LAMA2: variants seen among roughly 807,000 people sequenced by gnomAD.
The protein encoded by LAMA2 is laminin subunit alpha-2.
LAMA2 carries 269 observed loss-of-function variants against 364.8 expected under a neutral mutation model. The ratio of observed to expected loss-of-function variants is 0.74; its 90% CI spans 0.67 to 0.82. The LOEUF is 0.82. LAMA2 is among the 40% of genes least tolerant of loss of function. The pLI is 0.00. For missense variants in LAMA2, 3,807 were observed against 3,873.2 expected (o/e 0.98, Z 0.45); for synonymous variants, 1,379 against 1,370.6 (o/e 1.01, Z -0.14).
chr6:129,467,264 A>C (rs1043052616), intron 51 of LAMA2, among the ~76,000 whole-genome samples: 1 of 151,934 alleles, frequency 6.6e-6, no homozygotes, highest in African/African-American at 2.4e-5. Flanking sequence ...CAGAAAATCC[A>C]ATACCATATG....
At chr6:129,081,967 A>G (rs1233843019) in intron 3 of LAMA2, among the ~76,000 whole-genome samples, 1 of 152,172 alleles carries the variant, frequency 6.6e-6, no homozygotes, top group Non-Finnish European at 1.5e-5. Flanking sequence ...TGTTTAATTA[A>G]TATGTCAAAT....
chr6:129,315,859 G>T lies in LAMA2; in HGVS notation c.3833G>T (p.Gly1278Val), dbSNP rs2114502298. ...STYNPQVIIR[G>V]GTPTHARIIV... ...TATAATCCTCAAGTGATCATTCGAGGTGGGACACCTACTCATGCTAGAATT... is the reference window on the plus strand; with the variant it reads ...TATAATCCTCAAGTGATCATTCGAGTTGGGACACCTACTCATGCTAGAATT... The change falls in exon 26 of 65, where the codon GGT becomes GTT. Residue 1278 changes from glycine to valine, a missense_variant. By Grantham distance (109) the Gly-to-Val change is moderately radical (BLOSUM62 -3). Coordinates refer to ENST00000421865, the MANE Select transcript of LAMA2 (RefSeq NM_000426.4). The T allele has an allele frequency of 4.3e-6, 7 of 1,614,068 alleles. No homozygotes were observed. The highest frequency in any genetic ancestry group is 5.9e-6 in the Non-Finnish European group (7 of 1,179,982).
chr6:129,497,556 T>C (rs1785286270), intron 58 of LAMA2, among the ~76,000 whole-genome samples: 1 of 152,162 alleles, frequency 6.6e-6, no homozygotes, highest in African/African-American at 2.4e-5. Flanking sequence ...TTTTTAAGAG[T>C]TGTTATTTAA....
At chr6:129,088,448 C>T (rs994505422) in intron 3 of LAMA2, among the ~76,000 whole-genome samples, 5 of 151,900 alleles carry the variant, frequency 3.3e-5, no homozygotes, top group Non-Finnish European at 5.9e-5. Context: ...CAGAGGGGCT[C>T]CTCACTTCCC....
chr6:129,256,581 C>T lies in LAMA2; in HGVS notation c.2097-4130C>T, dbSNP rs186709536. Among the ~76,000 whole-genome samples the T allele has an allele frequency of 2.4e-4, 37 of 151,596 alleles. No individual in the cohort carries two copies. In the East Asian group the frequency reaches 5.2e-3, roughly 21 times the overall value. ...ATATAAATAGTGCAGAAGAAGTGTG[C>T]GCAGTGCATACTGGTAGAACTAAGA... On this transcript the variant is annotated intron_variant, in intron 14 of 64. Coordinates refer to ENST00000421865, the MANE Select transcript of LAMA2 (RefSeq NM_000426.4).
In LAMA2 at chr6:129,506,271, T is replaced by C. The variant is rs76127921; in HGVS notation, c.8703+916T>C. Among the ~76,000 whole-genome samples, 441 of 152,184 alleles carry C rather than the reference T, an allele frequency of 2.9e-3. 17 individuals carry two copies. The East Asian group carries it at 0.074, about 25-fold the overall frequency. On this transcript the variant is annotated intron_variant, in intron 61 of 64. Coordinates refer to ENST00000421865, the MANE Select transcript of LAMA2 (RefSeq NM_000426.4). ...TGGAGGCTGAGGCAAGAGAATCACT[T>C]GAACCCGAGGGTCAGAGGTTGCAGT...
At chr6:129,276,394 A>T (rs1023722349) in intron 17 of LAMA2, among the ~76,000 whole-genome samples, 5 of 152,282 alleles carry the variant, frequency 3.3e-5, no homozygotes, top group African/African-American at 1.2e-4. Flanking sequence ...AATCCCAAGA[A>T]GCAATTCATT....
At chr6:129,105,745 G>A (rs1743857310) in intron 4 of LAMA2, among the ~76,000 whole-genome samples, 1 of 152,262 alleles carries the variant, frequency 6.6e-6, no homozygotes. Context: ...CTAAAACTAG[G>A]TTATTGATGG....
chr6:129,341,736 T>A (rs987213376), intron 29 of LAMA2, among the ~76,000 whole-genome samples: 2 of 152,224 alleles, frequency 1.3e-5, no homozygotes, highest in African/African-American at 4.8e-5. Flanking sequence ...CTGAAGCTAT[T>A]CTCATTTCTT....
chr6:129,292,775 T>C, intron 20 of LAMA2: 1 of 982,796 alleles, frequency 1.0e-6, no homozygotes. Flanking sequence ...GTTTTGTTTT[T>C]ATTTTATTTT....
At chr6:129,013,362 G>A (rs548711025) in intron 1 of LAMA2, among the ~76,000 whole-genome samples, 1 of 152,224 alleles carries the variant, frequency 6.6e-6, no homozygotes, top group Non-Finnish European at 1.5e-5. Context: ...GCGGGAACCC[G>A]GGAGGCGGAG....
intron 48 of LAMA2, among the ~76,000 whole-genome samples, chr6:129,459,459 A>G (rs1783134554): frequency 1.3e-5 from 2 of 152,050 alleles, no homozygotes; most frequent in South Asian, 4.1e-4. Context: ...CCAGGATTGA[A>G]TTTGATCAGA....
At chr6:129,177,043 T>C (rs1352285482) in intron 9 of LAMA2, among the ~76,000 whole-genome samples, 1 of 152,200 alleles carries the variant, frequency 6.6e-6, no homozygotes, top group Admixed American at 6.5e-5. Flanking sequence ...GAAGGTCTGT[T>C]AGTTGTATTC....
At position 129,445,731 on chromosome 6, in the gene LAMA2, C is replaced by T. The variant is rs752356162; in HGVS notation, c.6339C>T (p.Leu2113=). Residue 2113 remains leucine, a synonymous_variant, in exon 45 of 65, where the codon CTC becomes CTT. Coordinates refer to ENST00000421865, the MANE Select transcript of LAMA2 (RefSeq NM_000426.4). ...EQEADRLIDK[L]KPIKELEDNL... ...AAGCTGACCGGCTAATAGATAAACT[C>T]AAACCCATCAAGGAACTTGAGGATA... 2.5e-5 allele frequency: 41 copies of T among 1,613,600 alleles called. No individual in the cohort carries two copies. The highest frequency in any genetic ancestry group is 2.7e-5 in the Non-Finnish European group (32 of 1,179,724).
chr6:129,431,455 A>G lies in LAMA2; in HGVS notation c.5968+3601A>G, dbSNP rs1270105403. Among the ~76,000 whole-genome samples the G allele has an allele frequency of 2.0e-5, 3 of 151,936 alleles. No homozygotes were observed. In the East Asian group the frequency reaches 5.8e-4, roughly 29 times the overall value. On this transcript the variant is annotated intron_variant, in intron 41 of 64. Coordinates refer to ENST00000421865, the MANE Select transcript of LAMA2 (RefSeq NM_000426.4). ...TATAAAATAGATAACACAGGAAATA[A>G]AAAGACCTATTCCCTGGAGATCTAT...
At chr6:129,106,277 G>A (rs9492234) in intron 4 of LAMA2, among the ~76,000 whole-genome samples, 37,506 of 151,674 alleles carry the variant, frequency 0.25, 5,150 homozygotes, top group African/African-American at 0.38. Context: ...CATTATGGTG[G>A]TCCTTAGAAT....
chr6:129,036,666 A>C (rs1786661133), intron 1 of LAMA2, among the ~76,000 whole-genome samples: 1 of 152,122 alleles, frequency 6.6e-6, no homozygotes, highest in African/African-American at 2.4e-5. Context: ...AAGAGCCCAC[A>C]GCAGCTCAGA....
chr6:129,088,888 C>T (rs952224505), intron 3 of LAMA2, among the ~76,000 whole-genome samples: 4 of 151,810 alleles, frequency 2.6e-5, no homozygotes, highest in African/African-American at 4.8e-5. Flanking sequence ...CAGGCAGAGA[C>T]GCTCCTCACT....
chr6:129,273,473 A>G (rs780888127), intron 17 of LAMA2, among the ~76,000 whole-genome samples: 1 of 152,186 alleles, frequency 6.6e-6, no homozygotes, highest in Non-Finnish European at 1.5e-5. Context: ...TATTAGAATT[A>G]TATAATTGAT....
Sources: gnomAD v4.1 joint callset for allele counts (sites outside exome capture counted in the v4.1 genomes callset) on GRCh38, gnomAD v4.1.1 for gene constraint, MANE v1.5 for transcripts, NCBI Gene and HGNC (gene_info 2026-07-23, HGNC 2026-07-21) for gene names.